The following SERPINB7 variants were observed in gnomAD, a reference collection of about 807,000 sequenced individuals.
SERPINB7 encodes serpin B7.
A neutral mutation model predicts 37.4 loss-of-function variants in SERPINB7; 31 were observed. The ratio of observed to expected loss-of-function variants is 0.83; its 90% CI spans 0.62 to 1.12. SERPINB7 has a LOEUF of 1.12. Ranked by LOEUF, SERPINB7 falls within the 50% of genes most tolerant of loss-of-function variation. SERPINB7 has a pLI of 0.00. For synonymous variants in SERPINB7, 163 were observed against 166.1 expected (o/e 0.98, Z 0.14); for missense variants, 521 against 455.3 (o/e 1.14, Z -1.31).
chr18:63,755,733 A>C (rs2144580067), intron 1 of SERPINB7, among the ~76,000 whole-genome samples: 1 of 152,170 alleles, frequency 6.6e-6, no homozygotes, highest in Admixed American at 6.5e-5. Context: ...TCTCTACAAA[A>C]AATTAAAAAA....
At chr18:63,779,125 T>C (rs1005887395) in intron 1 of SERPINB7, among the ~76,000 whole-genome samples, 2 of 152,170 alleles carry the variant, frequency 1.3e-5, no homozygotes, top group Non-Finnish European at 2.9e-5. Context: ...CTTTTCAATT[T>C]CCTTAGTTAT....
At chr18:63,775,182 G>A (rs980421203), upstream of SERPINB7, among the ~76,000 whole-genome samples, 1 of 152,086 alleles carries the variant, frequency 6.6e-6, no homozygotes, top group Non-Finnish European at 1.5e-5. Context: ...AGATACTGTT[G>A]ATTCTGAAAT....
rs1016172097 is a variant in SERPINB7, at chr18:63,793,394, T to C, written c.336+117T>C. On this transcript the variant is annotated intron_variant, in intron 4 of 7. Transcript: ENST00000398019. ...GATGGTTTTGTTTCTCATTGCTACTTATTATGTTCTCAGATGTCTTGAATA... is the reference window on the plus strand; with the variant it reads ...GATGGTTTTGTTTCTCATTGCTACTCATTATGTTCTCAGATGTCTTGAATA... 10 of 529,916 alleles carry C rather than the reference T, an allele frequency of 1.9e-5. No individual in the cohort carries two copies. The Admixed American group carries it at 1.9e-4, about 10-fold the overall frequency. 32.8% of individuals were successfully genotyped at this position (529,916 alleles called of 1,614,324 possible). A position where few individuals can be genotyped will look rare whatever the true frequency, so the allele number is the denominator to read the frequency against.
At chr18:63,790,065 T>C (rs2049411091) in intron 2 of SERPINB7, among the ~76,000 whole-genome samples, 1 of 152,184 alleles carries the variant, frequency 6.6e-6, no homozygotes, top group Admixed American at 6.5e-5. Flanking sequence ...TAAAAATCAC[T>C]TGCAAATAAT....
At chr18:63,798,465 G>C (rs1599020350) in intron 5 of SERPINB7, 139 bp from the exon 6 acceptor site, 1 of 642,130 alleles carries the variant, frequency 1.6e-6, no homozygotes, top group Non-Finnish European at 2.6e-6. Context: ...CACATTAATT[G>C]CTCATAGGTT....
intron 2 of SERPINB7, among the ~76,000 whole-genome samples, chr18:63,785,227 C>G (rs1330870210): frequency 6.6e-6 from 1 of 152,210 alleles, no homozygotes; most frequent in African/African-American, 2.4e-5. Context: ...CAGTTGGTTT[C>G]TCATTACTAC....
At chr18:63,797,653 C>A (rs926957950) in intron 5 of SERPINB7, among the ~76,000 whole-genome samples, 1 of 152,170 alleles carries the variant, frequency 6.6e-6, no homozygotes, top group African/African-American at 2.4e-5. Flanking sequence ...CTACCCAGGT[C>A]TTGAAGCCCA....
chr18:63,773,163 G>A (rs1288548447), upstream of SERPINB7, among the ~76,000 whole-genome samples: 2 of 152,050 alleles, frequency 1.3e-5, no homozygotes, highest in East Asian at 3.9e-4. Flanking sequence ...TCACATGATA[G>A]AATCTGCAAT....
chr18:63,792,926 A>G lies in SERPINB7; in HGVS notation c.220-235A>G, dbSNP rs116391370. Among the ~76,000 whole-genome samples the G allele has an allele frequency of 5.9e-3, 894 of 152,288 alleles. 10 individuals carry two copies. The highest frequency in any genetic ancestry group is 0.021 in the African/African-American group (858 of 41,536). The stretch of plus-strand genomic sequence containing the variant: ...ATTAATATATATGTTATGCAAAATC[A>G]TTACCTTCTGTTAACAATTTTAAGT... On this transcript the variant is annotated intron_variant, in intron 3 of 7. Coordinates refer to ENST00000398019, the MANE Select transcript of SERPINB7 (RefSeq NM_003784.4).
At position 63,800,907 on chromosome 18, in the gene SERPINB7, G is replaced by T. The variant is rs374307655; in HGVS notation, c.639G>T (p.Lys213Asn). 37 of 1,613,756 alleles carry T rather than the reference G, an allele frequency of 2.3e-5. No individual in the cohort carries two copies. The highest frequency in any genetic ancestry group is 1.6e-4 in the Middle Eastern group (1 of 6,082). ...KAVAMMHQER[K>N]FNLSVIEDPS... ...TCGCCATGATGCATCAGGAACGGAA[G>T]TTCAATTTGTCTGTTATTGAGGACC... Residue 213 changes from lysine to asparagine, a missense_variant, in exon 7 of 8, where the codon AAG (lysine) becomes AAT (asparagine). Transcript: ENST00000398019.
intron 1 of SERPINB7, among the ~76,000 whole-genome samples, chr18:63,758,583 C>G (rs1047120782): frequency 4.6e-5 from 7 of 152,122 alleles, no homozygotes; most frequent in South Asian, 2.1e-4. Context: ...TAGCAGTTGA[C>G]TGTAGAAAGA....
Position 63,804,766 on chromosome 18 carries a change from A to G in SERPINB7, c.*131A>G, listed in dbSNP as rs1214984460. 1.1e-6 allele frequency: 1 copy of G among 937,470 alleles called. No individual in the cohort carries two copies. 58.1% of individuals were successfully genotyped at this position (937,470 alleles called of 1,614,324 possible). A position where few individuals can be genotyped will look rare whatever the true frequency, so the allele number is the denominator to read the frequency against. On this transcript the variant is annotated 3_prime_UTR_variant, in exon 8 of 8. Transcript: ENST00000398019. ...ATTTCTTCCTAACATTGGTCAGCAG[A>G]TGACACTGGTGACTTGACCCTTCCT...
intron 1 of SERPINB7, among the ~76,000 whole-genome samples, chr18:63,765,553 A>G (rs577728800): frequency 1.3e-5 from 2 of 152,148 alleles, no homozygotes; most frequent in Non-Finnish European, 2.9e-5. Flanking sequence ...CCCATTTAGG[A>G]TAAAATTCAA....
intron 1 of SERPINB7, among the ~76,000 whole-genome samples, chr18:63,764,174 A>C (rs1167788711): frequency 6.6e-6 from 1 of 152,186 alleles, no homozygotes; most frequent in African/African-American, 2.4e-5. Flanking sequence ...GGCTTGGATG[A>C]ATTTTTCTCT....
In SERPINB7 at chr18:63,798,760, C is replaced by A; in HGVS notation, c.597+14C>A. ...AAATCTCCCAAGGTATGTCGTCAAT[C>A]TCCTATTTAATTTAGAACTTTTCCA... On this transcript the variant is annotated intron_variant, in intron 6 of 7. Coordinates refer to ENST00000398019, the MANE Select transcript of SERPINB7 (RefSeq NM_003784.4). 1 of 1,610,970 alleles carries A rather than the reference C, an allele frequency of 6.2e-7. No homozygotes were observed. The highest frequency in any genetic ancestry group is 1.3e-5 in the African/African-American group (1 of 74,878).
rs1471061090 is a variant in SERPINB7 at position 63,804,638 on chromosome 18, A to G, written c.*3A>G. ...GTGGCAAAGTTTCTTGCCCTTGAAA[A>G]TCCAATTGGTTTCTGTTATAGCAGT... On this transcript the variant is annotated 3_prime_UTR_variant, in exon 8 of 8. Coordinates refer to ENST00000398019, the MANE Select transcript of SERPINB7 (RefSeq NM_003784.4). 1.2e-6 allele frequency: 2 copies of G among 1,600,674 alleles called. No homozygotes were observed. Among genetic ancestry groups the G allele is most frequent in the East Asian group, 4.5e-5 (2 of 44,802 alleles).
intron 1 of SERPINB7, among the ~76,000 whole-genome samples, chr18:63,760,341 G>A (rs1465965230): frequency 3.3e-5 from 5 of 152,156 alleles, no homozygotes; most frequent in Admixed American, 3.3e-4. Flanking sequence ...AATTTCTAAG[G>A]AGCAAAGCAT....
intron 3 of SERPINB7, 47 bp from the exon 4 acceptor site, chr18:63,793,114 A>G (rs1287338855): frequency 9.8e-7 from 1 of 1,023,028 alleles, no homozygotes. Flanking sequence ...GATTATGCAT[A>G]TCTTTGCAGT....
intron 2 of SERPINB7, among the ~76,000 whole-genome samples, chr18:63,789,852 C>A (rs2049409059): frequency 6.6e-6 from 1 of 152,084 alleles, no homozygotes; most frequent in Non-Finnish European, 1.5e-5. Context: ...TATGACAGGT[C>A]CTTCAGTACC....
Sources: gnomAD v4.1 joint callset for allele counts (sites outside exome capture counted in the v4.1 genomes callset) on GRCh38, gnomAD v4.1.1 for gene constraint, MANE v1.5 for transcripts, NCBI Gene and HGNC (gene_info 2026-07-23, HGNC 2026-07-21) for gene names.